Variants in ZNF676 observed in about 807,000 individuals in gnomAD.
ZNF676 encodes the protein zinc finger protein 676.
ZNF676 carries 4 observed loss-of-function variants against 6.0 expected under a neutral mutation model. The observed-to-expected ratio is 0.67, with a 90% CI of 0.33 to 1.53. The LOEUF is 1.53. Ranked by LOEUF, ZNF676 falls within the 40% of genes most tolerant of loss-of-function variation. The pLI is 0.06. For missense variants in ZNF676, 644 were observed against 679.7 expected, an observed-to-expected ratio of 0.95 and a Z score of 0.58; for synonymous variants, 198 against 223.1, an observed-to-expected ratio of 0.89 and a Z score of 1.00.
At chr19:22,233,089 T>C in the ZNF676 span, among the ~76,000 whole-genome samples, 1 of 152,186 alleles carries the variant, frequency 6.6e-6, no homozygotes, top group South Asian at 2.1e-4. Flanking sequence ...AGTAAAAATG[T>C]AGACTAATAA....
At chr19:22,250,576 G>A in the ZNF676 span, among the ~76,000 whole-genome samples, 1 of 151,978 alleles carries the variant, frequency 6.6e-6, no homozygotes, top group Non-Finnish European at 1.5e-5. Flanking sequence ...ACATTACCCT[G>A]CCCACCTGTT....
At position 22,179,586 on chromosome 19, in the gene ZNF676, T is replaced by C. The variant is rs1433447174; in HGVS notation, c.*364A>G. On this transcript the variant is annotated 3_prime_UTR_variant, in exon 3 of 3. Transcript: ENST00000397121. Reference sequence around the variant, plus strand: ...ATGTTCAGTAAGGGTTGAGAACTAATGAAAAGCTTTGCCACGTTTTTCACA... The same window carrying C: ...ATGTTCAGTAAGGGTTGAGAACTAACGAAAAGCTTTGCCACGTTTTTCACA... The C allele has an allele frequency of 1.4e-5, 6 of 444,306 alleles. No homozygotes were observed. Among genetic ancestry groups the C allele is most frequent in the Non-Finnish European group, 2.6e-5 (6 of 231,188 alleles). 27.5% of individuals were successfully genotyped at this position (444,306 alleles called of 1,614,324 possible). A position where few individuals can be genotyped will look rare whatever the true frequency, so the allele number is the denominator to read the frequency against.
the ZNF676 span, among the ~76,000 whole-genome samples, chr19:22,230,669 A>T: frequency 0.011 from 603 of 56,120 alleles, 1 homozygote; most frequent in Non-Finnish European, 0.013. Flanking sequence ...ATATATATAT[A>T]TTTTTTTGAG....
chr19:22,219,904 C>T (rs544810307), upstream of ZNF676, among the ~76,000 whole-genome samples: 20 of 152,244 alleles, frequency 1.3e-4, no homozygotes, highest in African/African-American at 4.8e-4. Flanking sequence ...ATCTGCCCAC[C>T]TCAGCCTCCC....
intron 1 of ZNF676, among the ~76,000 whole-genome samples, chr19:22,209,230 C>G (rs2024106763): frequency 6.6e-6 from 1 of 151,858 alleles, no homozygotes; most frequent in Admixed American, 6.6e-5. Flanking sequence ...CCACTGCACT[C>G]CAGCCTGTGT....
upstream of ZNF676, among the ~76,000 whole-genome samples, chr19:22,219,398 C>A (rs1367560082): frequency 6.6e-6 from 1 of 151,960 alleles, no homozygotes; most frequent in Non-Finnish European, 1.5e-5. Flanking sequence ...TGCATCCAGC[C>A]CTAAAAGCTT....
the ZNF676 span, among the ~76,000 whole-genome samples, chr19:22,251,042 C>G: frequency 1.3e-5 from 2 of 152,050 alleles, no homozygotes; most frequent in Non-Finnish European, 2.9e-5. Context: ...GAATCAGGAG[C>G]CTGAAGTTGT....
chr19:22,230,145 A>G, the ZNF676 span, among the ~76,000 whole-genome samples: 860 of 152,360 alleles, frequency 5.6e-3, 8 homozygotes, highest in African/African-American at 0.019. Context: ...TGGCACATAT[A>G]CACCACGGAA....
chr19:22,244,409 A>G, the ZNF676 span: 1 of 152,334 alleles, frequency 6.6e-6, no homozygotes, highest in East Asian at 1.9e-4. Flanking sequence ...TCCCTAGGCT[A>G]CAATACAAGA....
At chr19:22,217,491 C>T (rs773118663), upstream of ZNF676, among the ~76,000 whole-genome samples, 10 of 152,070 alleles carry the variant, frequency 6.6e-5, no homozygotes, top group South Asian at 2.1e-4. Flanking sequence ...CGTGAGCCAC[C>T]GTGCCCATCC....
At chr19:22,219,809 T>A (rs1323237975), upstream of ZNF676, among the ~76,000 whole-genome samples, 1 of 151,882 alleles carries the variant, frequency 6.6e-6, no homozygotes, top group African/African-American at 2.4e-5. Flanking sequence ...GCACCCACCA[T>A]CATGCCTGGC....
intron 1 of ZNF676, among the ~76,000 whole-genome samples, chr19:22,195,285 C>T (rs1352664524): frequency 6.6e-6 from 1 of 152,096 alleles, no homozygotes; most frequent in Admixed American, 6.6e-5. Context: ...CTTATGGAAA[C>T]AGGAGCCGAT....
intron 1 of ZNF676, among the ~76,000 whole-genome samples, chr19:22,208,632 C>A (rs1225773145): frequency 1.3e-5 from 2 of 152,178 alleles, no homozygotes; most frequent in African/African-American, 4.8e-5. Flanking sequence ...AAATGCCTAT[C>A]AATGGTAGAC....
At chr19:22,248,610 C>A in the ZNF676 span, among the ~76,000 whole-genome samples, 1 of 152,204 alleles carries the variant, frequency 6.6e-6, no homozygotes, top group Non-Finnish European at 1.5e-5. Flanking sequence ...CTTTCACTGG[C>A]GTCCCTGAGC....
At chr19:22,220,772 CTAGTT>C (rs1444707201), upstream of ZNF676, among the ~76,000 whole-genome samples, 3 of 152,044 alleles carry the variant, frequency 2.0e-5, no homozygotes, top group Non-Finnish European at 1.5e-5. Flanking sequence ...TGTTTTATTA[CTAGTT>C]TAATCTTGCT....
chr19:22,218,253 G>C (rs965882230), upstream of ZNF676, among the ~76,000 whole-genome samples: 3 of 152,086 alleles, frequency 2.0e-5, no homozygotes, highest in Admixed American at 2.0e-4. Context: ...TTTAGAATTC[G>C]GGTAGTTTCA....
the ZNF676 span, among the ~76,000 whole-genome samples, chr19:22,238,825 G>A: frequency 2.0e-5 from 3 of 152,272 alleles, no homozygotes; most frequent in East Asian, 5.8e-4. Flanking sequence ...AAAGATGTAG[G>A]CTGGGAGACT....
chr19:22,219,106 T>A (rs909718201), upstream of ZNF676, among the ~76,000 whole-genome samples: 1 of 151,852 alleles, frequency 6.6e-6, no homozygotes, highest in Non-Finnish European at 1.5e-5. Context: ...GTTTTGTTTT[T>A]TTTTCTTTTT....
chr19:22,228,301 A>T, the ZNF676 span, among the ~76,000 whole-genome samples: 3 of 152,316 alleles, frequency 2.0e-5, no homozygotes, highest in African/African-American at 7.2e-5. Flanking sequence ...ACAAAATTCA[A>T]CACCCCATTC....
Sources: allele counts gnomAD v4.1 joint callset (sites outside exome capture counted in the v4.1 genomes callset), GRCh38; gene constraint gnomAD v4.1.1; transcripts MANE v1.5; gene names NCBI Gene and HGNC (gene_info 2026-07-23, HGNC 2026-07-21).